The following INTS2 variants were observed in gnomAD, a reference collection of about 807,000 sequenced individuals.
INTS2 encodes integrator complex subunit 2.
In INTS2, 57 loss-of-function variants were observed where a neutral mutation model predicts 139.6. The ratio of observed to expected loss-of-function variants is 0.41; its 90% confidence interval spans 0.33 to 0.51. INTS2 has a LOEUF of 0.51. Among genes scored for constraint, INTS2 ranks in the 20% least tolerant of loss-of-function variants. The pLI is 0.28. For synonymous variants in INTS2, 473 were observed against 493.4 expected (o/e 0.96, Z 0.55); for missense variants, 1,196 against 1,436.7 (o/e 0.83, Z 2.71).
chr17:61,892,918 C>T (rs2145929899), intron 13 of INTS2, among the ~76,000 whole-genome samples: 2 of 142,490 alleles, frequency 1.4e-5, no homozygotes, highest in South Asian at 4.5e-4. Context: ...AGCACCACTG[C>T]ACTCCAGCTT....
At chr17:61,919,675 G>T (rs1017061686) in intron 4 of INTS2, among the ~76,000 whole-genome samples, 162 bp from the exon 5 acceptor site, 13 of 152,078 alleles carry the variant, frequency 8.5e-5, no homozygotes, top group Non-Finnish European at 1.3e-4. Flanking sequence ...CTCCCAAAGT[G>T]CTAAGATTAC....
intron 2 of INTS2, among the ~76,000 whole-genome samples, chr17:61,925,747 G>A (rs1472418157): frequency 6.6e-6 from 1 of 151,438 alleles, no homozygotes; most frequent in Non-Finnish European, 1.5e-5. Flanking sequence ...CCAAGAGGCT[G>A]GGCCCAGTGG....
intron 8 of INTS2, among the ~76,000 whole-genome samples, chr17:61,906,436 G>C (rs1254337609): frequency 6.6e-6 from 1 of 152,126 alleles, no homozygotes; most frequent in Admixed American, 6.5e-5. Context: ...TTTGAAAGAA[G>C]TGAGGCCATT....
rs549074263 is a variant in INTS2, at chr17:61,881,429, T to TCTG, written c.2090-259_2090-258insCAG. 1.4e-3 allele frequency among the ~76,000 whole-genome samples: 217 copies of TCTG among 152,248 alleles called. 1 individual carries two copies. The highest frequency in any genetic ancestry group is 2.6e-3 in the Non-Finnish European group (180 of 68,020). On this transcript the variant is annotated intron_variant, in intron 16 of 24. Coordinates refer to ENST00000251334, the MANE Select transcript of INTS2 (RefSeq NM_001351695.2). ...CTGGCCAACATGGCAAAACCCCGTATCTACTAAAAATACAAATATTAGCCG... is the reference window on the plus strand; with the variant it reads ...CTGGCCAACATGGCAAAACCCCGTATCTGCTACTAAAAATACAAATATTAGCCG...
intron 5 of INTS2, among the ~76,000 whole-genome samples, chr17:61,914,657 T>G (rs1264244083): frequency 8.2e-5 from 12 of 146,168 alleles, no homozygotes; most frequent in Non-Finnish European, 1.5e-4. Flanking sequence ...GAGCCGAGAT[T>G]GCGCCACTGC....
intron 9 of INTS2, among the ~76,000 whole-genome samples, chr17:61,899,834 C>T (rs2079386647): frequency 1.3e-5 from 2 of 151,344 alleles, no homozygotes; most frequent in Non-Finnish European, 2.9e-5. Flanking sequence ...ATCTCTTGAG[C>T]CCAAGAGGCC....
chr17:61,910,414 G>A (rs1048707136), intron 7 of INTS2: 7 of 152,190 alleles, frequency 4.6e-5, no homozygotes, highest in African/African-American at 1.7e-4. Flanking sequence ...TGACCAACAT[G>A]GCGAAACCCA....
intron 18 of INTS2, 143 bp downstream of exon 18, chr17:61,877,744 C>T (rs1271086268): frequency 1.6e-6 from 1 of 609,364 alleles, no homozygotes; most frequent in Non-Finnish European, 2.9e-6. Flanking sequence ...ATTTAGTAGT[C>T]TTAAGAAAGG....
chr17:61,893,641 G>C lies in INTS2; in HGVS notation c.1698+124C>G, dbSNP rs1401896770. On this transcript the variant is annotated intron_variant, in intron 13 of 24. Coordinates refer to ENST00000251334, the MANE Select transcript of INTS2 (RefSeq NM_001351695.2). The surrounding 1 kb of genome is among the most constrained non-coding windows in gnomAD (Gnocchi z 5.4). ...ACCCAGGAGGCAGAGGTTACAGTGA[G>C]CCAAGACTGCACCACTGCACTCCAA... The C allele has an allele frequency of 5.1e-6, 3 of 591,404 alleles. No homozygotes were observed. The highest frequency in any genetic ancestry group is 7.5e-6 in the Non-Finnish European group (3 of 402,426). The allele number at this position is 591,404 out of a possible 1,614,324, so 36.6% of individuals were successfully genotyped here.
At position 61,893,733 on chromosome 17, in the gene INTS2, G is replaced by A; in HGVS notation, c.1698+32C>T. On this transcript the variant is annotated intron_variant, in intron 13 of 24. Coordinates refer to ENST00000251334, the MANE Select transcript of INTS2 (RefSeq NM_001351695.2). The surrounding 1 kb of genome is among the most constrained non-coding windows in gnomAD (Gnocchi z 5.4). ...TATATATATAAAAATGTAGGGGCAT[G>A]CTTTTATTTTGTTTTATTTGTAGGG... 1 of 1,477,716 alleles carries A rather than the reference G, an allele frequency of 6.8e-7. No homozygotes were observed. Among genetic ancestry groups the A allele is most frequent in the Non-Finnish European group, 9.0e-7 (1 of 1,107,890 alleles). The allele number at this position is 1,477,716 out of a possible 1,614,324, so 91.5% of individuals were successfully genotyped here.
intron 16 of INTS2, 124 bp downstream of exon 16, chr17:61,884,777 G>A (rs567670195): frequency 1.0e-5 from 7 of 676,154 alleles, no homozygotes; most frequent in East Asian, 8.4e-5. Context: ...GGGAGGCAAA[G>A]AGGAATTTCA....
chr17:61,896,952 T>C (rs1404937661), intron 11 of INTS2, among the ~76,000 whole-genome samples: 1 of 152,152 alleles, frequency 6.6e-6, no homozygotes, highest in Non-Finnish European at 1.5e-5. Flanking sequence ...TATGAAGAGA[T>C]ACATGTGGGT....
At chr17:61,923,430 T>G (rs1039212980) in intron 3 of INTS2, among the ~76,000 whole-genome samples, 1 of 144,916 alleles carries the variant, frequency 6.9e-6, no homozygotes, top group Non-Finnish European at 1.5e-5. Flanking sequence ...TGAGCCGAGA[T>G]TGTGCCACTG....
chr17:61,915,148 T>C (rs1173338681), intron 5 of INTS2, among the ~76,000 whole-genome samples: 1 of 149,390 alleles, frequency 6.7e-6, no homozygotes, highest in East Asian at 2.0e-4. Flanking sequence ...ACCATCCTGG[T>C]TAACACAGTG....
chr17:61,914,581 T>G (rs1462883961), intron 5 of INTS2, among the ~76,000 whole-genome samples: 3 of 151,578 alleles, frequency 2.0e-5, no homozygotes, highest in Non-Finnish European at 2.9e-5. Flanking sequence ...CGGGCGCCTG[T>G]AGTCCCAGCT....
chr17:61,923,652 A>G (rs952360840), intron 3 of INTS2, among the ~76,000 whole-genome samples: 3 of 151,896 alleles, frequency 2.0e-5, no homozygotes, highest in Non-Finnish European at 4.4e-5. Flanking sequence ...AATAAACATA[A>G]AGATCTAATT....
At chr17:61,905,470 G>T (rs918843465) in intron 8 of INTS2, among the ~76,000 whole-genome samples, 1 of 152,090 alleles carries the variant, frequency 6.6e-6, no homozygotes, top group Non-Finnish European at 1.5e-5. Context: ...GGGACTACAG[G>T]CACACGCCAT....
rs982334146 is a variant in INTS2, at chr17:61,876,598, A to G, written c.2456+1289T>C. 3.3e-5 allele frequency among the ~76,000 whole-genome samples: 5 copies of G among 152,024 alleles called. No homozygotes were observed. Among genetic ancestry groups the G allele is most frequent in the Non-Finnish European group, 5.9e-5 (4 of 67,992 alleles). ...GGAATACAGGCATGCATGCACCACCATGCCCTGCTAATTTTTGTATTTTTT... is the reference window on the plus strand; with the variant it reads ...GGAATACAGGCATGCATGCACCACCGTGCCCTGCTAATTTTTGTATTTTTT... On this transcript the variant is annotated intron_variant, in intron 18 of 24. Transcript: ENST00000251334. This position sits in a 1 kb window ranked among gnomAD's most constrained non-coding sequence, Gnocchi z 4.1.
At chr17:61,901,577 CTTTTTTTTTTTTTTT>C (rs55751869) in intron 9 of INTS2, among the ~76,000 whole-genome samples, 27 of 49,454 alleles carry the variant, frequency 5.5e-4, no homozygotes, top group African/African-American at 2.5e-3. Flanking sequence ...AGAATGATTT[CTTTTTTTTTTTTTTT>C]TTTTTTTTTT....
Sources: gnomAD v4.1 joint callset for allele counts (sites outside exome capture counted in the v4.1 genomes callset) on GRCh38, gnomAD v4.1.1 for gene constraint, Gnocchi (gnomAD v3.1) non-coding constraint, MANE v1.5 for transcripts, NCBI Gene and HGNC (gene_info 2026-07-23, HGNC 2026-07-21) for gene names.